Variants in LYST observed in about 807,000 individuals in gnomAD.
LYST encodes lysosomal-trafficking regulator.
Under a neutral mutation model 413.6 loss-of-function variants are expected in LYST, and 192 were observed. That is an observed-to-expected ratio of 0.46 (90% CI 0.41 to 0.52). LYST has a LOEUF of 0.52. LYST is among the 20% of genes least tolerant of loss of function. The probability of loss-of-function intolerance (pLI) is 0.00; values close to 1 mark genes in which losing one functional copy is unlikely to be tolerated. For synonymous variants in LYST, 1,525 were observed against 1,567.3 expected, an observed-to-expected ratio of 0.97 and a Z score of 0.64; for missense variants, 3,815 against 4,499.9, an observed-to-expected ratio of 0.85 and a Z score of 4.35.
chr1:235,857,402 T>C (rs545763141), intron 1 of LYST, among the ~76,000 whole-genome samples: 5 of 152,114 alleles, frequency 3.3e-5, no homozygotes, highest in Non-Finnish European at 5.9e-5. Context: ...CATCTTCCTA[T>C]ATAAGGATGT....
At position 235,806,242 on chromosome 1, in the gene LYST, G is replaced by C. The variant is rs772671228; in HGVS notation, c.2894C>G (p.Ser965Cys). 6.2e-7 allele frequency: 1 copy of C among 1,613,946 alleles called. No homozygotes were observed. Among genetic ancestry groups the C allele is most frequent in the Admixed American group, 1.7e-5 (1 of 59,992 alleles). Residue 965 changes from serine to cysteine, a missense_variant, in exon 6 of 53, where the codon TCT (serine) becomes TGT (cysteine). By Grantham distance (112) the Ser-to-Cys change is moderately radical. Coordinates refer to ENST00000389793, the MANE Select transcript of LYST (RefSeq NM_000081.4). ...EHMHQAADIW[S>C]MCRWIYMLSS... ...CAACATGTAGATCCAACGACACATAGACCAAATGTCTGCTGCTTGGTGCAT... is the reference window on the plus strand; with the variant it reads ...CAACATGTAGATCCAACGACACATACACCAAATGTCTGCTGCTTGGTGCAT...
rs1029431150 is a variant in LYST, at chr1:235,664,007, G to A, written c.11244C>T (p.Pro3748=). 3 of 1,612,878 alleles carry A rather than the reference G, an allele frequency of 1.9e-6. No homozygotes were observed. The highest frequency in any genetic ancestry group is 8.5e-7 in the Non-Finnish European group (1 of 1,178,888). ...DLKPVREITF[P]KSNKPIISLT... is the part of the protein sequence containing the mutation. Reference sequence around the variant, plus strand: ...ACCTGATGATGGGCTTATTTGATTTGGGAAATGTAATTTCTCTCACAGGCT... The same window carrying A: ...ACCTGATGATGGGCTTATTTGATTTAGGAAATGTAATTTCTCTCACAGGCT... Residue 3748 remains proline, a synonymous_variant, in exon 52 of 53, where the codon CCC becomes CCT. Transcript: ENST00000389793. The surrounding 1 kb of genome is among the most constrained non-coding windows in gnomAD (Gnocchi z 4.5).
In LYST at chr1:235,702,903, G is replaced by T. The variant is rs1255952568; in HGVS notation, c.10218C>A (p.Thr3406=). The change falls in exon 45 of 53, where the codon ACC becomes ACA. Residue 3406 remains threonine (T), a synonymous_variant. Coordinates refer to ENST00000389793, the MANE Select transcript of LYST (RefSeq NM_000081.4). ...QRRALETMIK[T]YGQTPRQLFH... is the part of the protein sequence containing the mutation. ...ACAGCTGACGGGGAGTCTGCCCGTA[G>T]GTTTTTATCATGGTTTCTAGCGCTC... The T allele has an allele frequency of 1.9e-6, 3 of 1,614,158 alleles. No individual in the cohort carries two copies. Among genetic ancestry groups the T allele is most frequent in the African/African-American group, 2.7e-5 (2 of 75,040 alleles).
At chr1:235,737,367 A>G (rs1664908951) in intron 31 of LYST, 1 of 152,222 alleles carries the variant, frequency 6.6e-6, no homozygotes, top group Non-Finnish European at 1.5e-5. Context: ...GTATAAACTC[A>G]TGACTTGTCT....
At chr1:235,780,414 A>T (rs552572209) in intron 16 of LYST, among the ~76,000 whole-genome samples, 54 of 151,868 alleles carry the variant, frequency 3.6e-4, no homozygotes, top group African/African-American at 1.3e-3. Context: ...TTAAAAAAAA[A>T]AATAAAAAAT....
chr1:235,716,103 G>C (rs1465631161), intron 41 of LYST, among the ~76,000 whole-genome samples: 1 of 152,288 alleles, frequency 6.6e-6, no homozygotes, highest in East Asian at 1.9e-4. Context: ...GATGCTTAGA[G>C]GGATGTTTCA....
chr1:235,700,403 C>T lies in LYST; in HGVS notation c.10374+2344G>A, dbSNP rs114120967. The stretch of plus-strand genomic sequence containing the variant: ...TTTACAAGAAAAAAACAAACGACCT[C>T]ATGAAAAAGTGGGCAAAGGATATGA... On this transcript the variant is annotated intron_variant, in intron 45 of 52. Transcript: ENST00000389793. Among the ~76,000 whole-genome samples the T allele has an allele frequency of 5.1e-3, 771 of 152,284 alleles. 3 individuals are homozygous for T. The highest frequency in any genetic ancestry group is 0.017 in the Middle Eastern group (5 of 294).
chr1:235,810,268 T>A lies in LYST; in HGVS notation c.550A>T (p.Arg184Trp). The A allele has an allele frequency of 6.2e-7, 1 of 1,614,190 alleles. No homozygotes were observed. The highest frequency in any genetic ancestry group is 8.5e-7 in the Non-Finnish European group (1 of 1,180,000). The change falls in exon 5 of 53, where the codon AGG becomes TGG. Residue 184 changes from arginine (R) to tryptophan (W), a missense_variant. Transcript: ENST00000389793. ...EKGIAMNKHRRPHLLHHFLTS... is the reference protein window; with the variant it reads ...EKGIAMNKHRWPHLLHHFLTS... The stretch of plus-strand genomic sequence containing the variant: ...AAAAAATGATGCAGCAGATGGGGCC[T>A]TCTATGCTTATTCATTGCTATGCCT...
Position 235,851,282 on chromosome 1 carries a change from T to A in LYST, c.-98+15561A>T, listed in dbSNP as rs551128172. On this transcript the variant is annotated intron_variant, in intron 1 of 52. Transcript: ENST00000389793. Reference sequence around the variant, plus strand: ...CCTGGATGAGACTGGAGACTATTATTCTAAGTGAAGTAACTTGGGAATGGA... The same window carrying A: ...CCTGGATGAGACTGGAGACTATTATACTAAGTGAAGTAACTTGGGAATGGA... 1.3e-4 allele frequency among the ~76,000 whole-genome samples: 20 copies of A among 152,198 alleles called. No individual in the cohort carries two copies. In the South Asian group the frequency reaches 2.3e-3, roughly 17 times the overall value.
chr1:235,712,312 T>C (rs1348786988), intron 42 of LYST, 115 bp from the exon 43 acceptor site: 2 of 777,236 alleles, frequency 2.6e-6, no homozygotes, highest in African/African-American at 3.5e-5. Context: ...GCTAATTTTG[T>C]TTGCCCATAG....
chr1:235,807,132 C>T (rs1221050177), intron 5 of LYST, among the ~76,000 whole-genome samples: 1 of 152,184 alleles, frequency 6.6e-6, no homozygotes, highest in Non-Finnish European at 1.5e-5. Context: ...GAGGTGGACA[C>T]CCTGAGGGCA....
At chr1:235,714,401 T>C (rs1055965146) in intron 42 of LYST, among the ~76,000 whole-genome samples, 2 of 152,112 alleles carry the variant, frequency 1.3e-5, no homozygotes, top group Admixed American at 6.5e-5. Flanking sequence ...TATAGAACAT[T>C]TGTTCTGTTT....
rs762092603 is a variant in LYST, at chr1:235,757,318, T to A, written c.7022A>T (p.Asn2341Ile). The change falls in exon 24 of 53, where the codon AAC (asparagine) becomes ATC (isoleucine). Residue 2341 changes from asparagine to isoleucine, a missense_variant. This residue lies in a region of LYST where 771 missense variants were observed against 837.1 expected (regional missense o/e 0.92). Transcript: ENST00000389793. ...IQADTLLVLVNHPSPAIQQGV... is the reference protein window; with the variant it reads ...IQADTLLVLVIHPSPAIQQGV... ...TTGTTGTATAGCTGGTGATGGGTGG[T>A]TAACGAGGACCAAAAGTGTATCTGC... The A allele has an allele frequency of 6.2e-7, 1 of 1,613,664 alleles. No homozygotes were observed. The highest frequency in any genetic ancestry group is 8.5e-7 in the Non-Finnish European group (1 of 1,179,768).
At chr1:235,750,025 G>A in intron 28 of LYST, among the ~76,000 whole-genome samples, 1 of 152,252 alleles carries the variant, frequency 6.6e-6, no homozygotes, top group African/African-American at 2.4e-5. Context: ...AACAGCAGGG[G>A]TAGTAAAGGT....
chr1:235,725,765 T>A (rs921672997), intron 38 of LYST, among the ~76,000 whole-genome samples: 1 of 152,104 alleles, frequency 6.6e-6, no homozygotes, highest in Non-Finnish European at 1.5e-5. Flanking sequence ...AATAGATACA[T>A]TCCCCTGCTA....
At chr1:235,822,930 G>A (rs1674919850) in intron 3 of LYST, among the ~76,000 whole-genome samples, 2 of 152,164 alleles carry the variant, frequency 1.3e-5, no homozygotes, top group South Asian at 4.1e-4. Flanking sequence ...CCACCCAATA[G>A]CCCTCAGTTA....
chr1:235,812,713 C>T (rs1330699973), intron 4 of LYST, among the ~76,000 whole-genome samples: 1 of 152,098 alleles, frequency 6.6e-6, no homozygotes, highest in Non-Finnish European at 1.5e-5. Context: ...TAGACTCACT[C>T]CTTCTGATAA....
intron 1 of LYST, among the ~76,000 whole-genome samples, chr1:235,851,710 A>C (rs1678564380): frequency 6.6e-6 from 1 of 151,960 alleles, no homozygotes; most frequent in South Asian, 2.1e-4. Flanking sequence ...TAATAAATAC[A>C]CTCTCGAGAA....
At chr1:235,783,719 G>A (rs1343594151) in intron 14 of LYST, among the ~76,000 whole-genome samples, 1 of 152,064 alleles carries the variant, frequency 6.6e-6, no homozygotes, top group African/African-American at 2.4e-5. Context: ...CAGGATGAAT[G>A]CAAAATGAAT....
Sources: allele counts gnomAD v4.1 joint callset (sites outside exome capture counted in the v4.1 genomes callset), GRCh38; gene constraint gnomAD v4.1.1; regional missense constraint gnomAD v4.1.1; non-coding constraint Gnocchi (gnomAD v3.1); transcripts MANE v1.5; gene names NCBI Gene and HGNC (gene_info 2026-07-23, HGNC 2026-07-21).